BICC1: variants seen among roughly 807,000 people sequenced by gnomAD.
The protein encoded by BICC1 is protein bicaudal C homolog 1.
In BICC1, 43 loss-of-function variants were observed where a neutral mutation model predicts 111.0. The ratio of observed to expected loss-of-function variants is 0.39; its 90% CI spans 0.30 to 0.50. BICC1 has a LOEUF of 0.50. Among genes scored for constraint, BICC1 ranks in the 20% least tolerant of loss-of-function variants. The probability of loss-of-function intolerance (pLI) is 0.88; values close to 1 mark genes in which losing one functional copy is unlikely to be tolerated. For synonymous variants in BICC1, 467 were observed against 434.4 expected (o/e 1.07, Z -0.93); for missense variants, 1,091 against 1,203.2 (o/e 0.91, Z 1.38).
At chr10:58,782,540 G>C (rs1589133267) in intron 3 of BICC1, among the ~76,000 whole-genome samples, 1 of 152,194 alleles carries the variant, frequency 6.6e-6, no homozygotes, top group Non-Finnish European at 1.5e-5. Flanking sequence ...CATGTTTTGA[G>C]ACACATTGGC....
intron 2 of BICC1, 149 bp from the exon 3 acceptor site, chr10:58,701,925 T>G: frequency 1.8e-6 from 1 of 546,388 alleles, no homozygotes; most frequent in Non-Finnish European, 3.2e-6. Context: ...CCCCAGGGTT[T>G]TTTTTTTCTT....
intron 3 of BICC1, among the ~76,000 whole-genome samples, chr10:58,726,737 G>A (rs2132541454): frequency 1.3e-5 from 2 of 152,288 alleles, no homozygotes; most frequent in East Asian, 3.9e-4. Context: ...GACTGGAATT[G>A]ATCTGTGCCC....
At chr10:58,824,989 T>C (rs1356820106) in intron 20 of BICC1, among the ~76,000 whole-genome samples, 1 of 152,196 alleles carries the variant, frequency 6.6e-6, no homozygotes, top group Non-Finnish European at 1.5e-5. Context: ...TAATTTTAGT[T>C]GGCAAAAGAC....
intron 1 of BICC1, among the ~76,000 whole-genome samples, chr10:58,520,216 G>A (rs1226307225): frequency 6.6e-6 from 1 of 152,184 alleles, no homozygotes; most frequent in East Asian, 1.9e-4. Context: ...TAGGGTAATA[G>A]TGACCACATA....
At chr10:58,721,093 C>T (rs1324520003) in intron 3 of BICC1, among the ~76,000 whole-genome samples, 1 of 152,214 alleles carries the variant, frequency 6.6e-6, no homozygotes, top group African/African-American at 2.4e-5. Context: ...AACCTTTACT[C>T]AGTGAAGGGC....
chr10:58,602,164 G>A (rs1050493860), intron 1 of BICC1, among the ~76,000 whole-genome samples: 24 of 152,120 alleles, frequency 1.6e-4, no homozygotes, highest in African/African-American at 5.5e-4. Flanking sequence ...CAGCTGAGAA[G>A]ATAGAACTGT....
chr10:58,618,498 C>T (rs1264564701), intron 1 of BICC1, among the ~76,000 whole-genome samples: 1 of 152,202 alleles, frequency 6.6e-6, no homozygotes, highest in African/African-American at 2.4e-5. Context: ...CCCAGGTTTG[C>T]ACCCACAGTT....
rs1199386511 is a variant in BICC1 at position 58,831,034 on chromosome 10, A to G, written c.*2143A>G. The G allele has an allele frequency of 6.6e-6, 1 of 152,190 alleles. No homozygotes were observed. The highest frequency in any genetic ancestry group is 1.5e-5 in the Non-Finnish European group (1 of 68,038). 9.4% of individuals were successfully genotyped at this position (152,190 alleles called of 1,614,324 possible). A position where few individuals can be genotyped will look rare whatever the true frequency, so the allele number is the denominator to read the frequency against. ...ATATGCAGTATTAAGTTGATTTATG[A>G]ACAGTGCTTTGATATGCCAAAGGGA... On this transcript the variant is annotated 3_prime_UTR_variant, in exon 21 of 21. Transcript: ENST00000373886.
intron 1 of BICC1, among the ~76,000 whole-genome samples, chr10:58,545,215 T>C (rs1031119837): frequency 6.6e-5 from 10 of 152,182 alleles, no homozygotes; most frequent in African/African-American, 2.2e-4. Flanking sequence ...TTAGATAGGA[T>C]ACACGATTAG....
chr10:58,517,909 G>T (rs893766797), intron 1 of BICC1, among the ~76,000 whole-genome samples: 1 of 152,156 alleles, frequency 6.6e-6, no homozygotes, highest in African/African-American at 2.4e-5. Flanking sequence ...TTCTTATATT[G>T]ATCATGAAAA....
At position 58,829,001 on chromosome 10, in the gene BICC1, G is replaced by C. The variant is rs1589183219; in HGVS notation, c.*110G>C. ...TAGCACTCTGGGTGTCTGGTATCAG[G>C]ACCAAAGCATTTTATTCGCACCTGT... is the stretch of plus-strand genomic sequence containing the variant. On this transcript the variant is annotated 3_prime_UTR_variant, in exon 21 of 21. Transcript: ENST00000373886. 1.5e-6 allele frequency: 2 copies of C among 1,346,228 alleles called. No individual in the cohort carries two copies. Among genetic ancestry groups the C allele is most frequent in the East Asian group, 4.7e-5 (2 of 42,332 alleles). 83.4% of individuals were successfully genotyped at this position (1,346,228 alleles called of 1,614,324 possible).
chr10:58,547,931 C>G lies in BICC1; in HGVS notation c.190+34598C>G, dbSNP rs932096018. 3.0e-4 allele frequency among the ~76,000 whole-genome samples: 46 copies of G among 152,040 alleles called. 1 individual carries two copies. The highest frequency in any genetic ancestry group is 1.8e-3 in the Admixed American group (28 of 15,254). On this transcript the variant is annotated intron_variant, in intron 1 of 20. Transcript: ENST00000373886. ...GAATCAATGATTTTTTCCAAGGAGC[C>G]CTGGTTTCTTTTATTGGAGACTGTT... is the stretch of plus-strand genomic sequence containing the variant.
At chr10:58,664,702 T>G (rs1477653211) in intron 2 of BICC1, among the ~76,000 whole-genome samples, 1 of 152,282 alleles carries the variant, frequency 6.6e-6, no homozygotes, top group East Asian at 1.9e-4. Context: ...GGTTTTTTTT[T>G]TCCCTCCACT....
rs537845094 is a variant in BICC1 at position 58,786,132 on chromosome 10, G to A, written c.388-791G>A. Reference sequence around the variant, plus strand: ...TATTTTTGACATATTTTGATATTTCGATTTTACTTTTTAAAGACTGAATAA... The same window carrying A: ...TATTTTTGACATATTTTGATATTTCAATTTTACTTTTTAAAGACTGAATAA... On this transcript the variant is annotated intron_variant, in intron 4 of 20. Transcript: ENST00000373886. Among the ~76,000 whole-genome samples, 9 of 152,098 alleles carry A rather than the reference G, an allele frequency of 5.9e-5. No homozygotes were observed. In the South Asian group the frequency reaches 6.2e-4, roughly 11 times the overall value.
intron 3 of BICC1, among the ~76,000 whole-genome samples, chr10:58,763,297 A>G (rs1842368941): frequency 1.3e-5 from 2 of 152,228 alleles, no homozygotes; most frequent in Non-Finnish European, 2.9e-5. Flanking sequence ...TTAAGACACT[A>G]GTCACTGTAG....
rs113321036 is a variant in BICC1, at chr10:58,810,362, G to C, written c.2376+3204G>C. Among the ~76,000 whole-genome samples, 265 of 152,280 alleles carry C rather than the reference G, an allele frequency of 1.7e-3. 2 individuals are homozygous for C. Among genetic ancestry groups the C allele is most frequent in the African/African-American group, 6.1e-3 (252 of 41,554 alleles). Reference sequence around the variant, plus strand: ...CACATTGAAATTTGGGAGGAAGGGTGGGTGAGACCTGCTAGATTCCAGCAT... The same window carrying C: ...CACATTGAAATTTGGGAGGAAGGGTCGGTGAGACCTGCTAGATTCCAGCAT... On this transcript the variant is annotated intron_variant, in intron 17 of 20. Coordinates refer to ENST00000373886, the MANE Select transcript of BICC1 (RefSeq NM_001080512.3).
chr10:58,713,083 T>C (rs1309199015), intron 3 of BICC1, among the ~76,000 whole-genome samples: 1 of 152,190 alleles, frequency 6.6e-6, no homozygotes, highest in African/African-American at 2.4e-5. Context: ...TGAAATCTCT[T>C]AAGAAACAAT....
chr10:58,740,747 G>A (rs1435207919), intron 3 of BICC1, among the ~76,000 whole-genome samples: 1 of 152,184 alleles, frequency 6.6e-6, no homozygotes, highest in Non-Finnish European at 1.5e-5. Context: ...ACTCATTCTG[G>A]AAGACCTCCT....
At chr10:58,739,586 T>C (rs1242125856) in intron 3 of BICC1, among the ~76,000 whole-genome samples, 2 of 152,022 alleles carry the variant, frequency 1.3e-5, no homozygotes, top group Admixed American at 1.3e-4. Context: ...TCTCCAACAA[T>C]TCTTACATGG....
Sources: gnomAD v4.1 joint callset for allele counts (sites outside exome capture counted in the v4.1 genomes callset) on GRCh38, gnomAD v4.1.1 for gene constraint, MANE v1.5 for transcripts, NCBI Gene and HGNC (gene_info 2026-07-23, HGNC 2026-07-21) for gene names.